Variants in GATB observed in about 807,000 individuals in gnomAD.
GATB encodes glutamyl-tRNA(Gln) amidotransferase subunit B, mitochondrial.
In GATB, 39 loss-of-function variants were observed where a neutral mutation model predicts 62.3. That is an observed-to-expected ratio of 0.63 (90% CI 0.48 to 0.82). GATB has a LOEUF of 0.82. Among genes scored for constraint, GATB ranks in the 40% least tolerant of loss-of-function variants. The probability of loss-of-function intolerance (pLI) is 0.00; values close to 1 mark genes in which losing one functional copy is unlikely to be tolerated. For synonymous variants in GATB, 276 were observed against 258.9 expected (o/e 1.07, Z -0.63); for missense variants, 670 against 684.0 (o/e 0.98, Z 0.23).
At chr4:151,709,369 A>C (rs999780322) in intron 5 of GATB, among the ~76,000 whole-genome samples, 1 of 152,196 alleles carries the variant, frequency 6.6e-6, no homozygotes, top group Non-Finnish European at 1.5e-5. Flanking sequence ...CTCTTAGCTC[A>C]GACATTACTC....
chr4:151,680,170 T>G (rs1344326618), intron 10 of GATB, among the ~76,000 whole-genome samples: 1 of 151,890 alleles, frequency 6.6e-6, no homozygotes, highest in Non-Finnish European at 1.5e-5. Flanking sequence ...TCAGTGTAAT[T>G]AGTCAAGAAA....
At chr4:151,743,390 G>C (rs1739535591) in intron 2 of GATB, among the ~76,000 whole-genome samples, 1 of 152,188 alleles carries the variant, frequency 6.6e-6, no homozygotes, top group Non-Finnish European at 1.5e-5. Context: ...ATAACACATG[G>C]TGCATACAAC....
intron 9 of GATB, among the ~76,000 whole-genome samples, chr4:151,700,693 G>A (rs997596985): frequency 9.9e-5 from 15 of 152,062 alleles, no homozygotes; most frequent in East Asian, 1.9e-4. Flanking sequence ...CACTGATGCC[G>A]CATCACTTTA....
At chr4:151,694,400 C>T (rs534808971) in intron 9 of GATB, among the ~76,000 whole-genome samples, 1 of 152,230 alleles carries the variant, frequency 6.6e-6, no homozygotes, top group South Asian at 2.1e-4. Flanking sequence ...TCTGAAAGCT[C>T]CTCATCCCTT....
rs562565264 is a variant in GATB at position 151,719,045 on chromosome 4, G to A, written c.441+380C>T. 1.6e-3 allele frequency among the ~76,000 whole-genome samples: 247 copies of A among 152,290 alleles called. 1 individual carries two copies. Among genetic ancestry groups the A allele is most frequent in the African/African-American group, 5.8e-3 (243 of 41,548 alleles). On this transcript the variant is annotated intron_variant, in intron 3 of 12. Transcript: ENST00000263985. ...TTCAACTTAAAAGCGATTCGCTCTC[G>A]CTCTGCTGACAGAACTACAGTATGC...
chr4:151,704,294 A>G (rs11732441), intron 7 of GATB, among the ~76,000 whole-genome samples: 24,417 of 152,152 alleles, frequency 0.16, 2,500 homozygotes, highest in African/African-American at 0.29. Context: ...GCTGGGAAAG[A>G]TCTGATAGAT....
chr4:151,724,423 GGAT>G (rs1739090301), intron 2 of GATB: 1 of 152,164 alleles, frequency 6.6e-6, no homozygotes, highest in Non-Finnish European at 1.5e-5. Flanking sequence ...CCTTTTTGAA[GGAT>G]AAATCTGTTC....
At chr4:151,746,642 C>T (rs968265686) in intron 2 of GATB, among the ~76,000 whole-genome samples, 14 of 152,218 alleles carry the variant, frequency 9.2e-5, no homozygotes, top group African/African-American at 3.4e-4. Flanking sequence ...GGCTGGCTGA[C>T]CTTTTCATCC....
chr4:151,748,360 C>T lies in GATB; in HGVS notation c.327+10412G>A, dbSNP rs1288255980. On this transcript the variant is annotated intron_variant, in intron 2 of 12. Coordinates refer to ENST00000263985, the MANE Select transcript of GATB (RefSeq NM_004564.3). The stretch of plus-strand genomic sequence containing the variant: ...AACAGAGCCCTCAGAAATAATACCA[C>T]ATCTACAACTATCTGATCTTTGACA... Among the ~76,000 whole-genome samples the T allele has an allele frequency of 4.6e-3, 704 of 152,176 alleles. 7 individuals carry two copies. The highest frequency in any genetic ancestry group is 0.015 in the African/African-American group (635 of 41,498).
rs1428827107 is a variant in GATB at position 151,703,891 on chromosome 4, T to C, written c.967A>G (p.Thr323Ala). Residue 323 changes from threonine (T) to alanine (A), a missense_variant, in exon 8 of 13, where the codon ACC becomes GCC. Thr to Ala is a moderately conservative substitution (Grantham distance 58). Transcript: ENST00000263985. ...CCTTCTTTGTCTCTCATTGACATGG[T>C]GCACCTGCAATAGTTAAATAAGAAA... is the stretch of plus-strand genomic sequence containing the variant. Reference protein sequence around the residue: ...TRSFHHKLGCTMSMRDKEGKQ... With the variant: ...TRSFHHKLGCAMSMRDKEGKQ... The C allele has an allele frequency of 6.8e-6, 11 of 1,605,930 alleles. No homozygotes were observed. The highest frequency in any genetic ancestry group is 8.5e-6 in the Non-Finnish European group (10 of 1,172,850).
At chr4:151,693,457 C>T (rs1193322483) in intron 9 of GATB, among the ~76,000 whole-genome samples, 2 of 152,122 alleles carry the variant, frequency 1.3e-5, no homozygotes, top group Non-Finnish European at 2.9e-5. Flanking sequence ...GTGGAGAAAA[C>T]AAACAGAAGT....
intron 2 of GATB, among the ~76,000 whole-genome samples, chr4:151,750,664 CT>C (rs1049962594): frequency 1.3e-5 from 2 of 151,410 alleles, no homozygotes; most frequent in African/African-American, 4.9e-5. Context: ...CTTTTCTTTT[CT>C]TTTTTGAAAC....
At chr4:151,688,593 A>T (rs771268620) in intron 10 of GATB, 37 bp downstream of exon 10, 1 of 1,583,790 alleles carries the variant, frequency 6.3e-7, no homozygotes. Context: ...GACAGAGCTC[A>T]TCACAAAGGA....
chr4:151,749,425 C>T (rs1299133537), intron 2 of GATB, among the ~76,000 whole-genome samples: 1 of 151,456 alleles, frequency 6.6e-6, no homozygotes, highest in African/African-American at 2.4e-5. Flanking sequence ...AAACCAAACA[C>T]CACATGTTCT....
chr4:151,717,895 A>C (rs1738945135), intron 3 of GATB, among the ~76,000 whole-genome samples: 1 of 152,178 alleles, frequency 6.6e-6, no homozygotes, highest in Admixed American at 6.5e-5. Context: ...ATTCCACAAC[A>C]ACCCTAGGAA....
At chr4:151,679,976 C>T in intron 10 of GATB, 85 bp from the exon 11 acceptor site, 1 of 1,221,346 alleles carries the variant, frequency 8.2e-7, no homozygotes, top group Non-Finnish European at 1.2e-6. Context: ...AGAACACTTG[C>T]TCTAGTGGGG....
intron 2 of GATB, 43 bp downstream of exon 2, chr4:151,758,729 T>C (rs1401326498): frequency 2.8e-6 from 4 of 1,407,318 alleles, no homozygotes; most frequent in Middle Eastern, 1.8e-4. Flanking sequence ...CAATATAAAA[T>C]AAACATTTTT....
chr4:151,682,933 C>T (rs1738171431), intron 10 of GATB, among the ~76,000 whole-genome samples: 1 of 152,126 alleles, frequency 6.6e-6, no homozygotes, highest in Non-Finnish European at 1.5e-5. Flanking sequence ...CTCCTCTGCA[C>T]ATGCCCTCAC....
chr4:151,696,271 G>A (rs1420151246), intron 9 of GATB, among the ~76,000 whole-genome samples: 1 of 152,164 alleles, frequency 6.6e-6, no homozygotes, highest in Non-Finnish European at 1.5e-5. Flanking sequence ...GGCACTTTAT[G>A]TTTATTTATA....
Sources: allele counts gnomAD v4.1 joint callset (sites outside exome capture counted in the v4.1 genomes callset), GRCh38; gene constraint gnomAD v4.1.1; transcripts MANE v1.5; gene names NCBI Gene and HGNC (gene_info 2026-07-23, HGNC 2026-07-21).